The following HIP1 variants were observed in gnomAD, a reference collection of about 807,000 sequenced individuals.
HIP1 encodes huntingtin interacting protein 1.
Under a neutral mutation model 147.6 loss-of-function variants are expected in HIP1, and 65 were observed. The ratio of observed to expected loss-of-function variants is 0.44; its 90% CI spans 0.36 to 0.54. The LOEUF is 0.54. Among genes scored for constraint, HIP1 ranks in the 20% least tolerant of loss-of-function variants. The pLI is 0.00. For synonymous variants in HIP1, 479 were observed against 504.0 expected, an observed-to-expected ratio of 0.95 and a Z score of 0.67; for missense variants, 1,061 against 1,299.6, an observed-to-expected ratio of 0.82 and a Z score of 2.82.
intron 1 of HIP1, among the ~76,000 whole-genome samples, chr7:75,732,377 G>GT (rs144021981): frequency 0.016 from 2,451 of 151,978 alleles, 64 homozygotes; most frequent in African/African-American, 0.057. Flanking sequence ...CTTTTTTTGT[G>GT]TTGTTTTTCC....
intron 1 of HIP1, among the ~76,000 whole-genome samples, chr7:75,604,798 C>A (rs1797155569): frequency 6.6e-6 from 1 of 152,134 alleles, no homozygotes; most frequent in African/African-American, 2.4e-5. Flanking sequence ...AATAACTGTT[C>A]CTACTGCTTG....
At chr7:75,614,885 T>C (rs587757855) in intron 1 of HIP1, among the ~76,000 whole-genome samples, 2 of 152,246 alleles carry the variant, frequency 1.3e-5, no homozygotes, top group East Asian at 3.9e-4. Flanking sequence ...GTGATTCTCC[T>C]GCCTCAGCCT....
At chr7:75,708,461 T>G (rs991608737) in intron 1 of HIP1, among the ~76,000 whole-genome samples, 2 of 152,184 alleles carry the variant, frequency 1.3e-5, no homozygotes, top group Non-Finnish European at 2.9e-5. Flanking sequence ...CCGTGTTTTC[T>G]TCTTAGAGTT....
At chr7:75,718,247 TGTGGGAGGCTGAG>T (rs1454787639) in intron 1 of HIP1, among the ~76,000 whole-genome samples, 2 of 151,930 alleles carry the variant, frequency 1.3e-5, no homozygotes, top group Admixed American at 6.6e-5. Flanking sequence ...GTCCCAGCTA[TGTGGGAGGCTGAG>T]GTGGGAGGGT....
At chr7:75,689,433 G>T (rs1389702895) in intron 1 of HIP1, among the ~76,000 whole-genome samples, 1 of 152,010 alleles carries the variant, frequency 6.6e-6, no homozygotes, top group Non-Finnish European at 1.5e-5. Flanking sequence ...GAAACTGGGA[G>T]GGGGAGGTTG....
chr7:75,641,221 G>A (rs889471173), intron 1 of HIP1, among the ~76,000 whole-genome samples: 7 of 152,010 alleles, frequency 4.6e-5, no homozygotes, highest in African/African-American at 9.7e-5. Context: ...CAGGAGAATC[G>A]CTTGAGCATG....
chr7:75,693,363 C>T (rs782515622), intron 1 of HIP1, among the ~76,000 whole-genome samples: 24 of 152,046 alleles, frequency 1.6e-4, no homozygotes, highest in Non-Finnish European at 2.9e-4. Context: ...TTCTGCGGGG[C>T]GCCTGGTTTC....
intron 4 of HIP1, among the ~76,000 whole-genome samples, chr7:75,589,940 A>G (rs1584844698): frequency 1.3e-5 from 2 of 151,754 alleles, no homozygotes; most frequent in Admixed American, 6.6e-5. Context: ...TCACCGTGTT[A>G]GCCAGGATGG....
At chr7:75,609,777 C>T (rs1016450501) in intron 1 of HIP1, among the ~76,000 whole-genome samples, 1 of 151,562 alleles carries the variant, frequency 6.6e-6, no homozygotes, top group Admixed American at 6.6e-5. Flanking sequence ...AGGATGGTCT[C>T]GATCTCTTGA....
intron 1 of HIP1, among the ~76,000 whole-genome samples, chr7:75,663,753 G>A (rs141175255): frequency 6.0e-5 from 9 of 150,664 alleles, no homozygotes; most frequent in East Asian, 2.0e-4. Flanking sequence ...AGCAGGAGAC[G>A]GGAATGGAAG....
At chr7:75,596,450 G>A (rs868951593) in intron 2 of HIP1, among the ~76,000 whole-genome samples, 14 of 151,962 alleles carry the variant, frequency 9.2e-5, no homozygotes, top group African/African-American at 2.7e-4. Context: ...ACAGTGGTAC[G>A]ATCTCGGCTC....
At chr7:75,623,218 A>G (rs1162244662) in intron 1 of HIP1, among the ~76,000 whole-genome samples, 1 of 150,896 alleles carries the variant, frequency 6.6e-6, no homozygotes, top group Non-Finnish European at 1.5e-5. Context: ...AGCAAAAAAA[A>G]AAAAAAAAAA....
At chr7:75,573,082 G>A (rs999122962) in intron 8 of HIP1, among the ~76,000 whole-genome samples, 13 of 152,196 alleles carry the variant, frequency 8.5e-5, no homozygotes, top group African/African-American at 2.2e-4. Context: ...CCCACAGACC[G>A]GAGTGGGAAC....
chr7:75,728,723 A>C (rs1037693272), intron 1 of HIP1, among the ~76,000 whole-genome samples: 6 of 148,688 alleles, frequency 4.0e-5, no homozygotes, highest in African/African-American at 1.5e-4. Flanking sequence ...TATTTTTTTT[A>C]ATCTTCTTTT....
intron 1 of HIP1, among the ~76,000 whole-genome samples, chr7:75,620,027 T>C (rs896682378): frequency 6.6e-6 from 1 of 152,190 alleles, no homozygotes; most frequent in Non-Finnish European, 1.5e-5. Flanking sequence ...CTCTGAATTG[T>C]TTTCATATTC....
At chr7:75,713,217 C>T in intron 1 of HIP1, among the ~76,000 whole-genome samples, 1 of 152,190 alleles carries the variant, frequency 6.6e-6, no homozygotes, top group Admixed American at 6.5e-5. Context: ...GCAGAAGAAA[C>T]AGCCACCAGC....
chr7:75,539,489 A>T lies in HIP1; in HGVS notation c.2953-58T>A, dbSNP rs375995646. The T allele has an allele frequency of 2.3e-3, 3,147 of 1,388,192 alleles. 45 individuals are homozygous for T. The African/African-American group carries it at 0.036, about 16-fold the overall frequency. 86.0% of individuals were successfully genotyped at this position (1,388,192 alleles called of 1,614,324 possible). A position where few individuals can be genotyped will look rare whatever the true frequency, so the allele number is the denominator to read the frequency against. On this transcript the variant is annotated intron_variant, in intron 29 of 30. Coordinates refer to ENST00000336926, the MANE Select transcript of HIP1 (RefSeq NM_005338.7). The stretch of plus-strand genomic sequence containing the variant: ...ATCATCTCTCAGAGATTTAATTTTT[A>T]TTTATTTTTTTATAGAGATGGGGTC...
In HIP1 at chr7:75,614,368, A is replaced by G. The variant is rs587769844; in HGVS notation, c.121-15121T>C. Among the ~76,000 whole-genome samples, 33 of 152,124 alleles carry G rather than the reference A, an allele frequency of 2.2e-4. 1 individual carries two copies. In the South Asian group the frequency reaches 3.7e-3, roughly 17 times the overall value. On this transcript the variant is annotated intron_variant, in intron 1 of 30. Coordinates refer to ENST00000336926, the MANE Select transcript of HIP1 (RefSeq NM_005338.7). ...AAATGGTGAATTTTATGGTATGTAT[A>G]TTTTACCACCACACACACACATAGA... is the stretch of plus-strand genomic sequence containing the variant.
At chr7:75,599,369 G>C in intron 1 of HIP1, 122 bp from the exon 2 acceptor site, 1 of 759,276 alleles carries the variant, frequency 1.3e-6, no homozygotes, top group South Asian at 1.5e-5. Context: ...CAGCCCCACG[G>C]GTGGTCGGTT....
Sources: gnomAD v4.1 joint callset for allele counts (sites outside exome capture counted in the v4.1 genomes callset) on GRCh38, gnomAD v4.1.1 for gene constraint, MANE v1.5 for transcripts, NCBI Gene and HGNC (gene_info 2026-07-23, HGNC 2026-07-21) for gene names.